NIBAN3: variants seen among roughly 807,000 people sequenced by gnomAD.
NIBAN3 encodes the protein protein Niban 3.
Under a neutral mutation model 76.4 loss-of-function variants are expected in NIBAN3, and 66 were observed. The ratio of observed to expected loss-of-function variants is 0.86; its 90% CI spans 0.71 to 1.06. The LOEUF (loss-of-function observed/expected upper bound fraction) is 1.06, where lower values mean the gene tolerates loss of function less well. NIBAN3 is among the 50% of genes least tolerant of loss of function. The pLI is 0.00. For missense variants in NIBAN3, 808 were observed against 810.7 expected, an observed-to-expected ratio of 1.00 and a Z score of 0.04; for synonymous variants, 360 against 355.2, an observed-to-expected ratio of 1.01 and a Z score of -0.15.
chr19:17,550,840 A>T (rs549636330), intron 14 of NIBAN3, among the ~76,000 whole-genome samples: 32 of 98,716 alleles, frequency 3.2e-4, no homozygotes, highest in South Asian at 2.2e-3. Context: ...AATCTTGTAC[A>T]TACTTTTTTT....
At chr19:17,523,471 G>A, upstream of NIBAN3, 1 of 1,561,484 alleles carries the variant, frequency 6.4e-7, no homozygotes, top group South Asian at 1.2e-5. Flanking sequence ...TTGGTAAACA[G>A]CAAAGAGAGC....
At chr19:17,530,716 A>G in intron 1 of NIBAN3, 39 bp from the exon 2 acceptor site, 1 of 1,574,488 alleles carries the variant, frequency 6.4e-7, no homozygotes, top group Non-Finnish European at 8.7e-7. Context: ...TCCTGGGCAG[A>G]TTCAATTTGC....
In NIBAN3 at chr19:17,532,212, A is replaced by AG. The variant is rs768695100; in HGVS notation, c.187-48dup. 3.8e-6 allele frequency: 6 copies of AG among 1,564,586 alleles called. No homozygotes were observed. The African/African-American group carries it at 8.1e-5, about 21-fold the overall frequency. ...GCGGGTGTCTGGGTGGTCGGGCCACAGGGACATCAGCCCACAGCCCCCTGA... is the reference window on the plus strand; with the variant it reads ...GCGGGTGTCTGGGTGGTCGGGCCACAGGGGACATCAGCCCACAGCCCCCTGA... On this transcript the variant is annotated intron_variant, in intron 2 of 14. Coordinates refer to ENST00000599164, the MANE Select transcript of NIBAN3 (RefSeq NM_001321827.2).
chr19:17,548,140 A>G (rs1250881369), intron 13 of NIBAN3, among the ~76,000 whole-genome samples: 1 of 152,198 alleles, frequency 6.6e-6, no homozygotes, highest in African/African-American at 2.4e-5. Flanking sequence ...TCCTGAGTTC[A>G]TTCATGGATT....
In NIBAN3 at chr19:17,539,197, G is replaced by C; in HGVS notation, c.643G>C (p.Val215Leu). The change falls in exon 6 of 15, where the codon GTC becomes CTC. Residue 215 changes from valine (V) to leucine (L), a missense_variant. Transcript: ENST00000599164. ...APAARAFLDA[V>L]RLYRQHQGHF... is the part of the protein sequence containing the mutation. The stretch of plus-strand genomic sequence containing the variant: ...TGCTGCCCGGGCCTTCCTGGACGCC[G>C]TCCGACTCTACCGGCAGCACCAAGG... The C allele has an allele frequency of 2.5e-6, 4 of 1,607,090 alleles. No individual in the cohort carries two copies. The highest frequency in any genetic ancestry group is 3.4e-6 in the Non-Finnish European group (4 of 1,177,312).
At chr19:17,539,799 G>T (rs57070010) in intron 8 of NIBAN3, 34 bp downstream of exon 8, 31 of 1,466,776 alleles carry the variant, frequency 2.1e-5, no homozygotes, top group Non-Finnish European at 2.5e-5. Context: ...GGCTGGGAGG[G>T]GCGAGGCGAT....
rs143488223 is a variant in NIBAN3 at position 17,534,747 on chromosome 19, C to T, written c.427+1046C>T. Among the ~76,000 whole-genome samples, 1,456 of 149,292 alleles carry T rather than the reference C, an allele frequency of 9.8e-3. 15 individuals carry two copies. The highest frequency in any genetic ancestry group is 0.032 in the African/African-American group (1,292 of 40,162). ...CAGAGCTTGCAGTGAGCCGAGATCG[C>T]GCCACTGCACTCCAGCCAGGGTGAC... On this transcript the variant is annotated intron_variant, in intron 4 of 14. Transcript: ENST00000599164.
At chr19:17,554,992 T>C (rs561013261), downstream of NIBAN3, among the ~76,000 whole-genome samples, 1 of 151,194 alleles carries the variant, frequency 6.6e-6, no homozygotes, top group African/African-American at 2.4e-5. Context: ...CTCTAGAGTA[T>C]TGGAAAACAA....
intron 12 of NIBAN3, chr19:17,543,990 TCAAAA>T: frequency 8.8e-6 from 1 of 114,242 alleles, no homozygotes; most frequent in South Asian, 2.5e-4. Context: ...AAACTCAGTC[TCAAAA>T]AAAAAAAAAA....
intron 5 of NIBAN3, 98 bp from the exon 6 acceptor site, chr19:17,539,052 G>T: frequency 1.0e-6 from 1 of 990,668 alleles, no homozygotes; most frequent in Admixed American, 2.5e-5. Flanking sequence ...GTGAGACTTG[G>T]GTGTTGGGGA....
At chr19:17,526,789 C>A (rs1021270513), upstream of NIBAN3, among the ~76,000 whole-genome samples, 1 of 152,172 alleles carries the variant, frequency 6.6e-6, no homozygotes, top group Non-Finnish European at 1.5e-5. Flanking sequence ...GCCACCCATC[C>A]TCTAAGACCT....
At chr19:17,530,323 AAAAAAC>A in intron 1 of NIBAN3, among the ~76,000 whole-genome samples, 1 of 143,162 alleles carries the variant, frequency 7.0e-6, no homozygotes, top group Admixed American at 6.8e-5. Context: ...CCATCAAAAC[AAAAAAC>A]AAAAAACAAA....
chr19:17,540,463 A>C lies in NIBAN3; in HGVS notation c.1051A>C (p.Thr351Pro). 6.3e-7 allele frequency: 1 copy of C among 1,589,762 alleles called. No homozygotes were observed. The highest frequency in any genetic ancestry group is 8.6e-7 in the Non-Finnish European group (1 of 1,168,006). The stretch of plus-strand genomic sequence containing the variant: ...CCCGCAGCTGCCCCGGGTCGTGCAG[A>C]CCCTGCTGCGCACCGTGGAAGCCTC... ...VDPQLPRVVQTLLRTVEASLE... is the reference protein window; with the variant it reads ...VDPQLPRVVQPLLRTVEASLE... Residue 351 changes from threonine to proline, a missense_variant, in exon 9 of 15, where the codon ACC (threonine) becomes CCC (proline). By Grantham distance (38) the Thr-to-Pro change is conservative (BLOSUM62 -1). Coordinates refer to ENST00000599164, the MANE Select transcript of NIBAN3 (RefSeq NM_001321827.2).
Position 17,543,559 on chromosome 19 carries a change from G to C in NIBAN3, c.1482G>C (p.Arg494Ser). The C allele has an allele frequency of 6.2e-7, 1 of 1,614,188 alleles. No homozygotes were observed. Among genetic ancestry groups the C allele is most frequent in the Non-Finnish European group, 8.5e-7 (1 of 1,180,044 alleles). Residue 494 changes from arginine to serine, a missense_variant, in exon 12 of 15, where the codon AGG becomes AGC. By Grantham distance (110) the Arg-to-Ser change is moderately radical (BLOSUM62 -1). Transcript: ENST00000599164. ...CGGACAGCGGGTTGGCGCAGAGGAG[G>C]TTCATCCGAGGCTGGGGTCTCTGCA... is the stretch of plus-strand genomic sequence containing the variant. ...FKSDSGLAQR[R>S]FIRGWGLCIF...
intron 3 of NIBAN3, 52 bp downstream of exon 3, chr19:17,532,440 C>G: frequency 6.2e-7 from 1 of 1,613,678 alleles, no homozygotes; most frequent in Non-Finnish European, 8.5e-7. Context: ...CTTCCCACCC[C>G]CGTCAGCCTC....
chr19:17,548,493 T>G (rs528029003), intron 13 of NIBAN3, among the ~76,000 whole-genome samples: 214 of 151,776 alleles, frequency 1.4e-3, no homozygotes, highest in Non-Finnish European at 2.8e-3. Context: ...GGGTGGGAGC[T>G]GGAGGTGCCA....
In NIBAN3 at chr19:17,539,300, A is replaced by G. The variant is rs1376247968; in HGVS notation, c.711+35A>G. ...CCGCGAGGCCGCACCCGGGACCCCC[A>G]GGACCCTCCCGGCCGACCGCGGCGC... On this transcript the variant is annotated intron_variant, in intron 6 of 14. Coordinates refer to ENST00000599164, the MANE Select transcript of NIBAN3 (RefSeq NM_001321827.2). The G allele has an allele frequency of 3.2e-6, 5 of 1,566,540 alleles. 1 individual carries two copies. The South Asian group carries it at 5.8e-5, about 18-fold the overall frequency.
At chr19:17,555,529 A>G (rs1719516103), downstream of NIBAN3, 2 of 426,114 alleles carry the variant, frequency 4.7e-6, no homozygotes, top group Admixed American at 5.4e-5. Context: ...CGTCCTGGGT[A>G]GGGCTGCAGG....
intron 13 of NIBAN3, among the ~76,000 whole-genome samples, chr19:17,548,982 C>G (rs2076109564): frequency 6.6e-6 from 1 of 151,534 alleles, no homozygotes. Context: ...TTGGGAGACA[C>G]CCCCATAGAT....
Sources: gnomAD v4.1 joint callset for allele counts (sites outside exome capture counted in the v4.1 genomes callset) on GRCh38, gnomAD v4.1.1 for gene constraint, MANE v1.5 for transcripts, NCBI Gene and HGNC (gene_info 2026-07-23, HGNC 2026-07-21) for gene names.